TCF4: variants seen among roughly 807,000 people sequenced by gnomAD.
TCF4 encodes the protein transcription factor 4, also known as SL3-3 enhancer factor 2.
TCF4 carries 3 observed loss-of-function variants against 82.1 expected under a neutral mutation model. The observed-to-expected ratio is 0.04, with a 90% confidence interval of 0.02 to 0.09. TCF4 has a LOEUF of 0.09. Ranked by LOEUF, TCF4 falls within the 10% of genes least tolerant of loss-of-function variation. The pLI, the probability that TCF4 is intolerant of heterozygous loss-of-function variation, is 1.00. For missense variants in TCF4, 518 were observed against 852.7 expected, an observed-to-expected ratio of 0.61 and a Z score of 4.89; for synonymous variants, 276 against 309.6, an observed-to-expected ratio of 0.89 and a Z score of 1.14.
Position 55,462,256 on chromosome 18 carries a change from C to T in TCF4, c.208-1141G>A, listed in dbSNP as rs185459904. ...ATAAAAAGAGGCTACATTTTAAATA[C>T]CCATCATAGTACACTCACTCACTCT... On this transcript the variant is annotated intron_variant, in intron 4 of 19. Coordinates refer to ENST00000354452, the MANE Select transcript of TCF4 (RefSeq NM_001083962.2). 3.9e-5 allele frequency among the ~76,000 whole-genome samples: 6 copies of T among 152,244 alleles called. No homozygotes were observed. The East Asian group carries it at 9.6e-4, about 24-fold the overall frequency.
chr18:55,262,379 T>G (rs557294015), intron 11 of TCF4, among the ~76,000 whole-genome samples: 1 of 152,240 alleles, frequency 6.6e-6, no homozygotes, highest in Non-Finnish European at 1.5e-5. Context: ...AGGATTCTTG[T>G]GGTCTTCAGT....
chr18:55,499,798 G>A (rs1225228344), intron 3 of TCF4, among the ~76,000 whole-genome samples: 3 of 152,188 alleles, frequency 2.0e-5, no homozygotes, highest in Admixed American at 2.0e-4. Flanking sequence ...ATCCTACTGG[G>A]AGCTTTTATT....
At chr18:55,505,637 T>C (rs2096748294) in intron 3 of TCF4, among the ~76,000 whole-genome samples, 1 of 151,378 alleles carries the variant, frequency 6.6e-6, no homozygotes, top group Admixed American at 6.6e-5. Flanking sequence ...ACCCCGTCTC[T>C]ACTAAAAATA....
intron 3 of TCF4, among the ~76,000 whole-genome samples, chr18:55,486,296 G>A (rs912445846): frequency 1.1e-4 from 16 of 152,146 alleles, no homozygotes; most frequent in Admixed American, 9.8e-4. Flanking sequence ...CTTAAGAAAA[G>A]GCAAGAAGGA....
intron 10 of TCF4, among the ~76,000 whole-genome samples, chr18:55,274,022 TAAAAG>T (rs972844712): frequency 6.6e-6 from 1 of 151,824 alleles, no homozygotes; most frequent in African/African-American, 2.4e-5. Flanking sequence ...GGGCAACTCT[TAAAAG>T]AACTGAAATT....
intron 8 of TCF4, among the ~76,000 whole-genome samples, chr18:55,293,930 A>ATTTTTTTTTT (rs1568769774): frequency 8.8e-5 from 2 of 22,650 alleles, no homozygotes; most frequent in Non-Finnish European, 2.2e-4. Context: ...CTTTCCAAGG[A>ATTTTTTTTTT]CTTTTTTTTT....
rs141065203 is a variant in TCF4, at chr18:55,510,706, C to A, written c.146-46569G>T. The A allele has an allele frequency of 3.0e-5, 43 of 1,432,304 alleles. No individual in the cohort carries two copies. In the African/African-American group the frequency reaches 5.3e-4, roughly 18 times the overall value. 88.7% of individuals were successfully genotyped at this position (1,432,304 alleles called of 1,614,324 possible). A position where few individuals can be genotyped will look rare whatever the true frequency, so the allele number is the denominator to read the frequency against. On this transcript the variant is annotated intron_variant, in intron 3 of 19. Transcript: ENST00000354452. ...AACTGAGACCTCCACTTTAAAAGGC[C>A]TTTCTTTTAAGGGGCCTTCCTTGTT...
At chr18:55,366,819 T>C (rs1009221484) in intron 6 of TCF4, among the ~76,000 whole-genome samples, 3 of 152,162 alleles carry the variant, frequency 2.0e-5, no homozygotes, top group African/African-American at 7.2e-5. Flanking sequence ...AGCATTTTCA[T>C]ATGTTTGCTC....
intron 8 of TCF4, among the ~76,000 whole-genome samples, chr18:55,316,166 C>A (rs1180939401): frequency 6.6e-6 from 1 of 151,906 alleles, no homozygotes; most frequent in African/African-American, 2.4e-5. Context: ...TTTATGTGTC[C>A]GCATACTGAA....
At chr18:55,392,855 T>A (rs1341201323) in intron 6 of TCF4, among the ~76,000 whole-genome samples, 5 of 152,174 alleles carry the variant, frequency 3.3e-5, no homozygotes, top group African/African-American at 1.2e-4. Flanking sequence ...TCTTTTTGGA[T>A]TTTTTCTATG....
intron 3 of TCF4, among the ~76,000 whole-genome samples, chr18:55,562,483 A>C (rs2147339820): frequency 6.6e-6 from 1 of 152,342 alleles, no homozygotes; most frequent in Non-Finnish European, 1.5e-5. Context: ...ACAGCAAAGA[A>C]GGCAAGAGCC....
Position 55,310,076 on chromosome 18 carries a change from G to A in TCF4, c.550-30420C>T, listed in dbSNP as rs148940059. Among the ~76,000 whole-genome samples the A allele has an allele frequency of 3.7e-3, 566 of 152,316 alleles. 6 individuals carry two copies. Among genetic ancestry groups the A allele is most frequent in the East Asian group, 0.023 (120 of 5,190 alleles). On this transcript the variant is annotated intron_variant, in intron 8 of 19. Coordinates refer to ENST00000354452, the MANE Select transcript of TCF4 (RefSeq NM_001083962.2). The stretch of plus-strand genomic sequence containing the variant: ...GCTGTACAATAAAAGGTGGAAGACA[G>A]TTCAAAATAAATGCCAGTTTAGGGC...
chr18:55,552,399 A>G (rs2147158941), intron 3 of TCF4, among the ~76,000 whole-genome samples: 1 of 152,342 alleles, frequency 6.6e-6, no homozygotes, highest in African/African-American at 2.4e-5. Context: ...ATTAGCTACT[A>G]CACCTCTTTG....
chr18:55,348,304 A>G (rs1015231652), intron 8 of TCF4, among the ~76,000 whole-genome samples: 1 of 152,176 alleles, frequency 6.6e-6, no homozygotes, highest in Non-Finnish European at 1.5e-5. Context: ...AAATTGCAAT[A>G]AAAATTTCAT....
chr18:55,592,084 G>A (rs1212887476), upstream of TCF4, among the ~76,000 whole-genome samples: 1 of 152,124 alleles, frequency 6.6e-6, no homozygotes, highest in Non-Finnish European at 1.5e-5. Context: ...GTTATACTTA[G>A]AAGATTGGAG....
At chr18:55,371,969 A>C (rs2089354063) in intron 6 of TCF4, among the ~76,000 whole-genome samples, 1 of 152,220 alleles carries the variant, frequency 6.6e-6, no homozygotes, top group South Asian at 2.1e-4. Context: ...AATGACTTAT[A>C]ACCTCTCAGT....
intron 3 of TCF4, among the ~76,000 whole-genome samples, chr18:55,502,586 G>A (rs1156703047): frequency 2.6e-5 from 4 of 152,146 alleles, no homozygotes; most frequent in Non-Finnish European, 4.4e-5. Context: ...GCTATTTTGG[G>A]ATGCCTTTTA....
At chr18:55,552,128 T>C (rs2097265264) in intron 3 of TCF4, among the ~76,000 whole-genome samples, 1 of 152,176 alleles carries the variant, frequency 6.6e-6, no homozygotes, top group Non-Finnish European at 1.5e-5. Flanking sequence ...TCCCATTCCA[T>C]CTAGGATTGC....
At chr18:55,417,134 T>A (rs897663953) in intron 5 of TCF4, among the ~76,000 whole-genome samples, 2 of 152,200 alleles carry the variant, frequency 1.3e-5, no homozygotes, top group African/African-American at 4.8e-5. Flanking sequence ...TACTTAGAAT[T>A]ACTTATTTTT....
Sources: allele counts gnomAD v4.1 joint callset (sites outside exome capture counted in the v4.1 genomes callset), GRCh38; gene constraint gnomAD v4.1.1; transcripts MANE v1.5; gene names NCBI Gene and HGNC (gene_info 2026-07-23, HGNC 2026-07-21).